Variants in IQGAP2 observed in about 807,000 individuals in gnomAD.
IQGAP2 encodes the protein ras GTPase-activating-like protein IQGAP2.
A neutral mutation model predicts 201.3 loss-of-function variants in IQGAP2; 173 were observed. The ratio of observed to expected loss-of-function variants is 0.86; its 90% CI spans 0.76 to 0.98. The LOEUF (loss-of-function observed/expected upper bound fraction) is 0.98, where lower values mean the gene tolerates loss of function less well. IQGAP2 is among the 50% of genes least tolerant of loss of function. IQGAP2 has a pLI of 0.00. For missense variants in IQGAP2, 1,687 were observed against 1,864.8 expected (o/e 0.90, Z 1.76); for synonymous variants, 675 against 673.9 (o/e 1.00, Z -0.03).
intron 13 of IQGAP2, chr5:76,618,534 C>G (rs746928505): frequency 2.5e-6 from 4 of 1,614,136 alleles, no homozygotes; most frequent in Non-Finnish European, 3.4e-6. Context: ...TCCTGTCCAG[C>G]CTTCCAAGGC....
At chr5:76,589,326 A>G (rs1156568894) in intron 6 of IQGAP2, among the ~76,000 whole-genome samples, 2 of 152,002 alleles carry the variant, frequency 1.3e-5, no homozygotes, top group East Asian at 1.9e-4. Context: ...AAAAAAAAAA[A>G]AAAAAATTAC....
At position 76,608,975 on chromosome 5, in the gene IQGAP2, C is replaced by G. The variant is rs914206900; in HGVS notation, c.1358-2045C>G. 3 of 962,084 alleles carry G rather than the reference C, an allele frequency of 3.1e-6. No homozygotes were observed. The East Asian group carries it at 8.1e-5, about 26-fold the overall frequency. The allele number at this position is 962,084 out of a possible 1,614,324, so 59.6% of individuals were successfully genotyped here. ...AGTGGACCGTGGGCTGAGTGAAGCT[C>G]AGCAATCTTTCTTCAAATAGGATTT... On this transcript the variant is annotated intron_variant, in intron 12 of 35. Transcript: ENST00000274364.
intron 12 of IQGAP2, among the ~76,000 whole-genome samples, chr5:76,608,604 C>A (rs148030878): frequency 1.1e-3 from 172 of 152,262 alleles, no homozygotes; most frequent in African/African-American, 4.0e-3. Context: ...GCTCTGAGAT[C>A]TAATTCCATA....
chr5:76,559,176 C>G (rs1481075408), intron 2 of IQGAP2, among the ~76,000 whole-genome samples: 2 of 152,230 alleles, frequency 1.3e-5, no homozygotes, highest in Non-Finnish European at 2.9e-5. Context: ...GATGGGATTA[C>G]AGGCGTGAGC....
chr5:76,410,809 A>G (rs1434988383), intron 1 of IQGAP2, among the ~76,000 whole-genome samples: 2 of 152,214 alleles, frequency 1.3e-5, no homozygotes, highest in East Asian at 1.9e-4. Flanking sequence ...TTATTGAAGA[A>G]TGACTTAGAC....
intron 2 of IQGAP2, among the ~76,000 whole-genome samples, chr5:76,486,979 G>C (rs1156678326): frequency 2.0e-5 from 3 of 151,844 alleles, no homozygotes; most frequent in Non-Finnish European, 4.4e-5. Flanking sequence ...TATCATAACT[G>C]AGCATTTGAT....
intron 28 of IQGAP2, among the ~76,000 whole-genome samples, chr5:76,680,490 C>A (rs2150507253): frequency 6.6e-6 from 1 of 152,252 alleles, no homozygotes; most frequent in African/African-American, 2.4e-5. Flanking sequence ...AACTAGACTT[C>A]ATCAAAATTG....
At chr5:76,562,276 A>G (rs1744429497) in intron 2 of IQGAP2, 120 bp from the exon 3 acceptor site, 1 of 702,318 alleles carries the variant, frequency 1.4e-6, no homozygotes, top group African/African-American at 1.8e-5. Context: ...GTGACACCGA[A>G]AGATGTTTCA....
intron 2 of IQGAP2, among the ~76,000 whole-genome samples, chr5:76,516,593 A>G (rs1580364770): frequency 6.6e-6 from 1 of 152,322 alleles, no homozygotes; most frequent in Admixed American, 6.5e-5. Flanking sequence ...ACTTTAGAGA[A>G]AAGATGTGTT....
At chr5:76,603,157 T>C (rs1747547551) in intron 11 of IQGAP2, among the ~76,000 whole-genome samples, 1 of 152,216 alleles carries the variant, frequency 6.6e-6, no homozygotes, top group Non-Finnish European at 1.5e-5. Flanking sequence ...AGTCCAAGTG[T>C]ACTTTCTGGT....
chr5:76,642,293 A>G (rs780534246), intron 17 of IQGAP2, among the ~76,000 whole-genome samples: 1 of 152,146 alleles, frequency 6.6e-6, no homozygotes, highest in Non-Finnish European at 1.5e-5. Flanking sequence ...AAGATATACC[A>G]CAGAGCCCAC....
chr5:76,683,178 G>T lies in IQGAP2; in HGVS notation c.3724G>T (p.Gly1242Trp). 6.2e-7 allele frequency: 1 copy of T among 1,612,034 alleles called. No individual in the cohort carries two copies. The highest frequency in any genetic ancestry group is 1.7e-5 in the Admixed American group (1 of 59,716). The change falls in exon 29 of 36, where the codon GGG becomes TGG. Residue 1242 changes from glycine (G) to tryptophan (W), a missense_variant. Coordinates refer to ENST00000274364, the MANE Select transcript of IQGAP2 (RefSeq NM_006633.5). ...EKNDLLSELL[G>W]SLGEVPTVES... is the part of the protein sequence containing the mutation. ...AAATGACTTACTGAGTGAATTGCTGGGGTCGCTGGGAGAGGTGCCAACCGT... is the reference window on the plus strand; with the variant it reads ...AAATGACTTACTGAGTGAATTGCTGTGGTCGCTGGGAGAGGTGCCAACCGT...
At chr5:76,437,899 G>A (rs1308393015) in intron 1 of IQGAP2, among the ~76,000 whole-genome samples, 7 of 151,962 alleles carry the variant, frequency 4.6e-5, no homozygotes, top group Admixed American at 3.9e-4. Context: ...CCCAGTAATG[G>A]GATTGCTGGG....
chr5:76,540,699 A>G (rs9686939), intron 2 of IQGAP2, among the ~76,000 whole-genome samples: 83,851 of 152,064 alleles, frequency 0.55, 24,082 homozygotes, highest in South Asian at 0.74. Context: ...CCTTTTCAAG[A>G]AGGAAAAGAT....
At chr5:76,471,673 A>G (rs1346031428) in intron 2 of IQGAP2, among the ~76,000 whole-genome samples, 1 of 151,562 alleles carries the variant, frequency 6.6e-6, no homozygotes, top group Non-Finnish European at 1.5e-5. Flanking sequence ...AGTGAAAGCC[A>G]TGAGTTGCTT....
chr5:76,681,476 A>G (rs1322523165), intron 28 of IQGAP2, among the ~76,000 whole-genome samples: 1 of 152,016 alleles, frequency 6.6e-6, no homozygotes, highest in African/African-American at 2.4e-5. Flanking sequence ...AGAAATCAAA[A>G]CTGAAACTGC....
rs1362980088 is a variant in IQGAP2, at chr5:76,600,907, T to C, written c.1167T>C (p.Ser389=). 8 of 1,614,050 alleles carry C rather than the reference T, an allele frequency of 5.0e-6. No homozygotes were observed. The highest frequency in any genetic ancestry group is 2.2e-5 in the East Asian group (1 of 44,896). ...NQALESNDLV[S]VQNQLRSPAI... ...CCTTGGAAAGCAACGATCTTGTGTC[T>C]GTGCAGAATCAACTCAGAAGCCCCG... The change falls in exon 11 of 36, where the codon TCT becomes TCC. Residue 389 remains serine, a synonymous_variant. Coordinates refer to ENST00000274364, the MANE Select transcript of IQGAP2 (RefSeq NM_006633.5).
At chr5:76,610,102 A>T (rs1580593807) in intron 12 of IQGAP2, among the ~76,000 whole-genome samples, 1 of 21,180 alleles carries the variant, frequency 4.7e-5, no homozygotes, top group African/African-American at 1.7e-4. Context: ...ATATATATAT[A>T]TATATATATA....
intron 1 of IQGAP2, among the ~76,000 whole-genome samples, chr5:76,449,168 A>T (rs148682075): frequency 2.3e-3 from 356 of 152,270 alleles, no homozygotes; most frequent in Middle Eastern, 0.01. Context: ...TTGGGACAGA[A>T]ATGTGCCTTG....
Sources: gnomAD v4.1 joint callset for allele counts (sites outside exome capture counted in the v4.1 genomes callset) on GRCh38, gnomAD v4.1.1 for gene constraint, MANE v1.5 for transcripts, NCBI Gene and HGNC (gene_info 2026-07-23, HGNC 2026-07-21) for gene names.